Variants in DNAI1 observed in about 807,000 individuals in gnomAD.
DNAI1 encodes dynein, axonemal, intermediate polypeptide 1.
DNAI1 carries 67 observed loss-of-function variants against 92.0 expected under a neutral mutation model. That is an observed-to-expected ratio of 0.73 (90% CI 0.60 to 0.89). The LOEUF (loss-of-function observed/expected upper bound fraction) is 0.89, where lower values mean the gene tolerates loss of function less well. DNAI1 is among the 40% of genes least tolerant of loss of function. The probability of loss-of-function intolerance (pLI) is 0.00; values close to 1 mark genes in which losing one functional copy is unlikely to be tolerated. For missense variants in DNAI1, 839 were observed against 866.6 expected, an observed-to-expected ratio of 0.97 and a Z score of 0.40; for synonymous variants, 323 against 319.6, an observed-to-expected ratio of 1.01 and a Z score of -0.11.
At chr9:34,488,863 T>C (rs1211083328) in intron 4 of DNAI1, among the ~76,000 whole-genome samples, 1 of 152,200 alleles carries the variant, frequency 6.6e-6, no homozygotes, top group Admixed American at 6.5e-5. Flanking sequence ...GGTCCTCTTG[T>C]ATGGAACTAG....
intron 7 of DNAI1, 160 bp from the exon 8 acceptor site, chr9:34,491,335 A>G: frequency 1.4e-6 from 1 of 732,612 alleles, no homozygotes; most frequent in South Asian, 1.5e-5. Flanking sequence ...CTTTGAATGC[A>G]TCATTCAGTT....
In DNAI1 at chr9:34,483,476, A is replaced by C. The variant is rs1587066068; in HGVS notation, c.77A>C (p.Lys26Thr). The change falls in exon 2 of 20, where the codon AAG (lysine) becomes ACG (threonine). Residue 26 changes from lysine to threonine, a missense_variant. Transcript: ENST00000242317. ...ATCAGCATAGGCAGAGGAACCAGGA[A>C]GAGAGTAAGTGCTGAGACTACCATG... The part of the protein sequence containing the change: ...QSISIGRGTR[K>T]RDEDSGTEVG... 6.2e-7 allele frequency: 1 copy of C among 1,612,400 alleles called. No individual in the cohort carries two copies. Among genetic ancestry groups the C allele is most frequent in the Middle Eastern group, 1.7e-4 (1 of 6,060 alleles).
intron 9 of DNAI1, among the ~76,000 whole-genome samples, chr9:34,495,690 T>G (rs895323235): frequency 1.3e-4 from 20 of 152,178 alleles, no homozygotes; most frequent in Admixed American, 1.3e-3. Flanking sequence ...ATCCAATTCC[T>G]TGTGGCCAGA....
At chr9:34,481,367 G>A (rs1351364126) in intron 1 of DNAI1, among the ~76,000 whole-genome samples, 1 of 152,208 alleles carries the variant, frequency 6.6e-6, no homozygotes, top group African/African-American at 2.4e-5. Flanking sequence ...TAAGTTACTT[G>A]GTCGTGATCT....
At chr9:34,499,053 G>A (rs1824776898) in intron 10 of DNAI1, among the ~76,000 whole-genome samples, 1 of 152,198 alleles carries the variant, frequency 6.6e-6, no homozygotes, top group Non-Finnish European at 1.5e-5. Context: ...ACATAAAAAT[G>A]TATTGAACTT....
chr9:34,508,571 G>A lies in DNAI1; in HGVS notation c.1311+1697G>A, dbSNP rs574225162. Among the ~76,000 whole-genome samples, 3 of 152,172 alleles carry A rather than the reference G, an allele frequency of 2.0e-5. No homozygotes were observed. In the South Asian group the frequency reaches 6.2e-4, roughly 32 times the overall value. On this transcript the variant is annotated intron_variant, in intron 13 of 19. Coordinates refer to ENST00000242317, the MANE Select transcript of DNAI1 (RefSeq NM_012144.4). Reference sequence around the variant, plus strand: ...AAAAGGCCTGTCTTGATCATACCTGGCCCAGCCCTGCCCCTGCTTTCCCAG... The same window carrying A: ...AAAAGGCCTGTCTTGATCATACCTGACCCAGCCCTGCCCCTGCTTTCCCAG...
chr9:34,515,954 A>G (rs894959243), intron 18 of DNAI1, among the ~76,000 whole-genome samples: 2 of 152,226 alleles, frequency 1.3e-5, no homozygotes, highest in African/African-American at 2.4e-5. Context: ...ACATTAAAAG[A>G]AGAAAGATAG....
chr9:34,518,192 T>C (rs1825206653), intron 19 of DNAI1, among the ~76,000 whole-genome samples: 1 of 152,232 alleles, frequency 6.6e-6, no homozygotes, highest in Admixed American at 6.5e-5. Flanking sequence ...GGCTCTTTGC[T>C]TTCTGCCAGG....
intron 18 of DNAI1, among the ~76,000 whole-genome samples, chr9:34,515,184 A>G (rs891031958): frequency 2.0e-5 from 3 of 152,246 alleles, no homozygotes; most frequent in African/African-American, 4.8e-5. Context: ...GGAGGGGGCT[A>G]TTCAACACTG....
intron 1 of DNAI1, among the ~76,000 whole-genome samples, chr9:34,462,339 C>G (rs534598870): frequency 6.6e-5 from 10 of 152,254 alleles, no homozygotes; most frequent in African/African-American, 2.4e-4. Flanking sequence ...TCCACCCTAC[C>G]CCAAATCTTT....
Position 34,507,335 on chromosome 9 carries a change from G to A in DNAI1, c.1311+461G>A, listed in dbSNP as rs76572554. Among the ~76,000 whole-genome samples, 402 of 152,242 alleles carry A rather than the reference G, an allele frequency of 2.6e-3. 1 individual carries two copies. The highest frequency in any genetic ancestry group is 4.4e-3 in the Non-Finnish European group (298 of 68,016). ...TTGACCAGAAGCCTTACTGACAACA[G>A]TCAAATAACACATATATTGTGTGTT... On this transcript the variant is annotated intron_variant, in intron 13 of 19. Coordinates refer to ENST00000242317, the MANE Select transcript of DNAI1 (RefSeq NM_012144.4).
At chr9:34,499,066 A>AT (rs1206293908) in intron 10 of DNAI1, among the ~76,000 whole-genome samples, 2 of 152,316 alleles carry the variant, frequency 1.3e-5, no homozygotes, top group Admixed American at 6.5e-5. Context: ...TTGAACTTTG[A>AT]TTTTTTTAAT....
chr9:34,516,082 G>A (rs1029203376), intron 18 of DNAI1, among the ~76,000 whole-genome samples: 1 of 152,212 alleles, frequency 6.6e-6, no homozygotes, highest in African/African-American at 2.4e-5. Context: ...CACGCACGCT[G>A]AGAGTTGACT....
chr9:34,476,480 T>TA (rs1235338553), intron 1 of DNAI1, among the ~76,000 whole-genome samples: 3 of 152,120 alleles, frequency 2.0e-5, no homozygotes, highest in African/African-American at 7.2e-5. Flanking sequence ...AGACAGTCCT[T>TA]AGGGCTGGGC....
At chr9:34,466,316 A>C (rs146418969) in intron 1 of DNAI1, among the ~76,000 whole-genome samples, 50 of 152,346 alleles carry the variant, frequency 3.3e-4, no homozygotes, top group African/African-American at 9.6e-4. Context: ...TTATTCTTAC[A>C]TCACATCCAT....
chr9:34,506,724 G>A lies in DNAI1; in HGVS notation c.1161G>A (p.Met387Ile). The A allele has an allele frequency of 6.2e-7, 1 of 1,614,200 alleles. No homozygotes were observed. Among genetic ancestry groups the A allele is most frequent in the South Asian group, 1.1e-5 (1 of 91,086 alleles). The change falls in exon 13 of 20, where the codon ATG becomes ATA. Residue 387 changes from methionine (M) to isoleucine (I), a missense_variant. Transcript: ENST00000242317. ...EYMFSSNSGV[M>I]CLDIHVDHPY... ...TGTTCAGCAGCAACAGCGGCGTCAT[G>A]TGTCTCGACATCCACGTGGACCACC...
intron 9 of DNAI1, 61 bp from the exon 10 acceptor site, chr9:34,497,054 A>G: frequency 1.6e-6 from 2 of 1,272,648 alleles, no homozygotes; most frequent in Non-Finnish European, 2.3e-6. Flanking sequence ...GACATGGCTC[A>G]GGACATATGA....
At chr9:34,492,504 A>ATCTATATATATC (rs1265007021) in intron 8 of DNAI1, among the ~76,000 whole-genome samples, 5 of 51,124 alleles carry the variant, frequency 9.8e-5, no homozygotes, top group African/African-American at 3.4e-4. Context: ...ATATATATAT[A>ATCTATATATATC]TATATATATA....
chr9:34,475,587 C>T (rs1235297048), intron 1 of DNAI1, among the ~76,000 whole-genome samples: 3 of 152,190 alleles, frequency 2.0e-5, no homozygotes, highest in Non-Finnish European at 4.4e-5. Context: ...TAAAGTGCAC[C>T]ACACTATGCA....
Sources: allele counts gnomAD v4.1 joint callset (sites outside exome capture counted in the v4.1 genomes callset), GRCh38; gene constraint gnomAD v4.1.1; transcripts MANE v1.5; gene names NCBI Gene and HGNC (gene_info 2026-07-23, HGNC 2026-07-21).